MEF2A: variants seen among roughly 807,000 people sequenced by gnomAD.
MEF2A encodes myocyte-specific enhancer factor 2A.
Under a neutral mutation model 55.8 loss-of-function variants are expected in MEF2A, and 28 were observed. The ratio of observed to expected loss-of-function variants is 0.50; its 90% confidence interval spans 0.37 to 0.69. The LOEUF (loss-of-function observed/expected upper bound fraction) is 0.69. MEF2A is among the 30% of genes least tolerant of loss of function. MEF2A has a pLI of 0.00. For missense variants in MEF2A, 528 were observed against 626.2 expected (o/e 0.84, Z 1.67); for synonymous variants, 239 against 227.1 (o/e 1.05, Z -0.47).
intron 7 of MEF2A, among the ~76,000 whole-genome samples, chr15:99,684,153 C>T (rs962862203): frequency 6.6e-5 from 10 of 152,100 alleles, no homozygotes; most frequent in Admixed American, 3.9e-4. Context: ...TCCATATTTT[C>T]GCAATTGCAA....
intron 1 of MEF2A, among the ~76,000 whole-genome samples, chr15:99,596,286 A>G (rs1159376507): frequency 6.6e-6 from 1 of 151,954 alleles, no homozygotes; most frequent in Non-Finnish European, 1.5e-5. Context: ...GAATGATTGT[A>G]TTTTAGAAGT....
chr15:99,665,993 T>C (rs1001669165), intron 4 of MEF2A, among the ~76,000 whole-genome samples: 3 of 151,936 alleles, frequency 2.0e-5, no homozygotes, highest in Admixed American at 6.6e-5. Context: ...CTGGTGGGAG[T>C]GTAAATTAGT....
At chr15:99,691,568 C>T (rs1003908349) in intron 8 of MEF2A, among the ~76,000 whole-genome samples, 9 of 151,934 alleles carry the variant, frequency 5.9e-5, no homozygotes, top group Admixed American at 1.3e-4. Context: ...CGTGGTGGCG[C>T]GTGCCTGTAA....
At position 99,587,343 on chromosome 15, in the gene MEF2A, T is replaced by G. The variant is rs1413208671; in HGVS notation, c.-224-11087T>G. On this transcript the variant is annotated intron_variant, in intron 1 of 11. Coordinates refer to ENST00000557942, the MANE Select transcript of MEF2A (RefSeq NM_001319206.4). ...TGCTCTTGTGTTAGTTTGCTGAGAA[T>G]GATGGTTTCCAGCTTCATCCATGTC... 2.0e-5 allele frequency among the ~76,000 whole-genome samples: 3 copies of G among 152,198 alleles called. No homozygotes were observed. In the East Asian group the frequency reaches 5.8e-4, roughly 29 times the overall value.
rs1230584469 is a variant in MEF2A, at chr15:99,633,067, A to T, written c.-53A>T. 2.0e-6 allele frequency: 3 copies of T among 1,487,422 alleles called. No homozygotes were observed. The highest frequency in any genetic ancestry group is 9.2e-7 in the Non-Finnish European group (1 of 1,084,038). 92.1% of individuals were successfully genotyped at this position (1,487,422 alleles called of 1,614,324 possible). A position where few individuals can be genotyped will look rare whatever the true frequency, so the allele number is the denominator to read the frequency against. ...ATGCATTAGGGTATTGAAGAAAATT[A>T]ACTTTTGAATTAAATATTTGGAATA... On this transcript the variant is annotated 5_prime_UTR_variant, in exon 3 of 12. Coordinates refer to ENST00000557942, the MANE Select transcript of MEF2A (RefSeq NM_001319206.4).
intron 7 of MEF2A, among the ~76,000 whole-genome samples, chr15:99,686,648 G>T (rs2054275593): frequency 6.6e-6 from 1 of 152,118 alleles, no homozygotes; most frequent in South Asian, 2.1e-4. Context: ...CAGCTCTTAA[G>T]ATTCTTCCCT....
intron 3 of MEF2A, among the ~76,000 whole-genome samples, chr15:99,645,238 G>C (rs1394390134): frequency 6.6e-6 from 1 of 152,194 alleles, no homozygotes; most frequent in African/African-American, 2.4e-5. Flanking sequence ...TGGGGTTTCT[G>C]ATGGTAACAA....
At position 99,637,729 on chromosome 15, in the gene MEF2A, G is replaced by A. The variant is rs1318530703; in HGVS notation, c.54+4556G>A. Among the ~76,000 whole-genome samples, 6 of 151,740 alleles carry A rather than the reference G, an allele frequency of 4.0e-5. No individual in the cohort carries two copies. In the East Asian group the frequency reaches 5.8e-4, roughly 15 times the overall value. ...ACGCTGTCGGCTCACTGCAAGCTCC[G>A]CCTCCCGGGTTCGTGCCATTCTTCT... On this transcript the variant is annotated intron_variant, in intron 3 of 11. Transcript: ENST00000557942.
chr15:99,712,845 G>A lies in MEF2A; in HGVS notation c.*74G>A. ...CTACATATCTAAATCGGTAAATAAG[G>A]ACATGAGTTAAATATATTTATATGT... is the stretch of plus-strand genomic sequence containing the variant. On this transcript the variant is annotated 3_prime_UTR_variant, in exon 12 of 12. Coordinates refer to ENST00000557942, the MANE Select transcript of MEF2A (RefSeq NM_001319206.4). The surrounding 1 kb of genome is among the most constrained non-coding windows in gnomAD (Gnocchi z 4.1). 2 of 1,427,328 alleles carry A rather than the reference G, an allele frequency of 1.4e-6. No individual in the cohort carries two copies. Among genetic ancestry groups the A allele is most frequent in the African/African-American group, 1.4e-5 (1 of 70,010 alleles). 88.4% of individuals were successfully genotyped at this position (1,427,328 alleles called of 1,614,324 possible).
intron 1 of MEF2A, among the ~76,000 whole-genome samples, chr15:99,580,625 G>A (rs1194284460): frequency 6.6e-6 from 1 of 152,172 alleles, no homozygotes; most frequent in Non-Finnish European, 1.5e-5. Context: ...TTTCTGAAAA[G>A]CAAGGTTATT....
At chr15:99,600,361 C>T (rs1972568534) in intron 2 of MEF2A, among the ~76,000 whole-genome samples, 1 of 152,074 alleles carries the variant, frequency 6.6e-6, no homozygotes, top group African/African-American at 2.4e-5. Flanking sequence ...TTAGGAGTTA[C>T]TCTTGAGTGT....
chr15:99,576,495 T>C (rs1964312988), intron 1 of MEF2A, among the ~76,000 whole-genome samples: 1 of 152,220 alleles, frequency 6.6e-6, no homozygotes, highest in Non-Finnish European at 1.5e-5. Context: ...ATTATTTTTA[T>C]TACTTTCATA....
chr15:99,666,049 A>G (rs988599863), intron 4 of MEF2A, among the ~76,000 whole-genome samples: 3 of 152,174 alleles, frequency 2.0e-5, no homozygotes, highest in Admixed American at 6.5e-5. Flanking sequence ...AGGATCTAGA[A>G]CTAGAAATAC....
chr15:99,691,047 A>C (rs1269673290), intron 8 of MEF2A, among the ~76,000 whole-genome samples: 1 of 151,698 alleles, frequency 6.6e-6, no homozygotes, highest in Admixed American at 6.6e-5. Flanking sequence ...CATTCTATGA[A>C]TGTAACAAAT....
chr15:99,568,373 G>A (rs929661725), intron 1 of MEF2A, among the ~76,000 whole-genome samples: 3 of 152,078 alleles, frequency 2.0e-5, no homozygotes, highest in African/African-American at 7.2e-5. Flanking sequence ...TAAAAAGGTT[G>A]AGTTGTTTCA....
chr15:99,610,597 A>G (rs936521272), intron 2 of MEF2A, among the ~76,000 whole-genome samples: 2 of 152,214 alleles, frequency 1.3e-5, no homozygotes, highest in African/African-American at 4.8e-5. Context: ...TGGCATAAGG[A>G]TAAACAGATC....
intron 2 of MEF2A, among the ~76,000 whole-genome samples, chr15:99,622,725 T>A (rs906418624): frequency 6.6e-6 from 1 of 151,098 alleles, no homozygotes; most frequent in Admixed American, 6.6e-5. Context: ...TTTTTTGAGA[T>A]GGAGTCTCGC....
At chr15:99,630,711 G>C (rs1416943783) in intron 2 of MEF2A, among the ~76,000 whole-genome samples, 1 of 152,172 alleles carries the variant, frequency 6.6e-6, no homozygotes, top group Non-Finnish European at 1.5e-5. Context: ...TAGTTGGCCC[G>C]GATTGCCTTA....
intron 4 of MEF2A, among the ~76,000 whole-genome samples, chr15:99,648,043 A>G (rs2046261772): frequency 6.6e-6 from 1 of 152,192 alleles, no homozygotes; most frequent in Non-Finnish European, 1.5e-5. Context: ...GGCTTACGCT[A>G]ATGCATCTAT....
Sources: gnomAD v4.1 joint callset for allele counts (sites outside exome capture counted in the v4.1 genomes callset) on GRCh38, gnomAD v4.1.1 for gene constraint, Gnocchi (gnomAD v3.1) non-coding constraint, MANE v1.5 for transcripts, NCBI Gene and HGNC (gene_info 2026-07-23, HGNC 2026-07-21) for gene names.